INTS4: variants seen among roughly 807,000 people sequenced by gnomAD.
INTS4 encodes integrator complex subunit 4.
Under a neutral mutation model 119.5 loss-of-function variants are expected in INTS4, and 70 were observed. The ratio of observed to expected loss-of-function variants is 0.59; its 90% CI spans 0.48 to 0.71. INTS4 has a LOEUF of 0.71. Ranked by LOEUF, INTS4 falls within the 30% of genes least tolerant of loss-of-function variation. INTS4 has a pLI of 0.00. For synonymous variants in INTS4, 316 were observed against 419.6 expected (o/e 0.75, Z 3.02); for missense variants, 867 against 1,173.2 (o/e 0.74, Z 3.81).
rs1405947601 is a variant in INTS4 at position 77,918,888 on chromosome 11, C to G, written c.1855G>C (p.Glu619Gln). The G allele has an allele frequency of 1.2e-6, 2 of 1,613,826 alleles. No individual in the cohort carries two copies. Among genetic ancestry groups the G allele is most frequent in the East Asian group, 2.2e-5 (1 of 44,888 alleles). ...AAGTGCTGAAGACTATACACTCTTT[C>G]AAGGCTCTGCTGCAGGAACTGCTGG... The part of the protein sequence containing the change: ...PSQQFLQQSL[E>Q]RVYSLQHLDP... Residue 619 changes from glutamate (E) to glutamine (Q), a missense_variant, in exon 15 of 23, where the codon GAA (glutamate) becomes CAA (glutamine). Coordinates refer to ENST00000534064, the MANE Select transcript of INTS4 (RefSeq NM_033547.4).
intron 8 of INTS4, among the ~76,000 whole-genome samples, chr11:77,946,344 A>G (rs1396714805): frequency 6.6e-6 from 1 of 152,216 alleles, no homozygotes; most frequent in Non-Finnish European, 1.5e-5. Context: ...GACTGTTACT[A>G]TATACTAGCT....
rs1953271572 is a variant in INTS4, at chr11:77,918,918, G to GCTTC, written c.1824_1825insGAAG (p.Pro609GlufsTer12). 6.2e-7 allele frequency: 1 copy of GCTTC among 1,613,862 alleles called. No individual in the cohort carries two copies. Among genetic ancestry groups the GCTTC allele is most frequent in the African/African-American group, 1.3e-5 (1 of 74,924 alleles). The stretch of plus-strand genomic sequence containing the variant: ...CTCTGCTGCAGGAACTGCTGGGAAG[G>GCTTC]ATCCTCTTGAGGTATGATGCTGGGA... On this transcript the variant is annotated frameshift_variant, in exon 15 of 23. Coordinates refer to ENST00000534064, the MANE Select transcript of INTS4 (RefSeq NM_033547.4). LOFTEE classifies it high-confidence loss of function.
chr11:77,993,069 A>G lies in INTS4; in HGVS notation c.54+1521T>C, dbSNP rs556680468. ...GTCAAAAGCTAGGAATTTTTTCCCT[A>G]AGTATTATATAAGGGAGAGGACAAG... On this transcript the variant is annotated intron_variant, in intron 1 of 22. Coordinates refer to ENST00000534064, the MANE Select transcript of INTS4 (RefSeq NM_033547.4). Among the ~76,000 whole-genome samples the G allele has an allele frequency of 7.2e-5, 11 of 152,256 alleles. No homozygotes were observed. The South Asian group carries it at 2.3e-3, about 32-fold the overall frequency.
At chr11:77,966,051 T>A (rs926358995) in intron 4 of INTS4, among the ~76,000 whole-genome samples, 3 of 152,204 alleles carry the variant, frequency 2.0e-5, no homozygotes, top group African/African-American at 7.2e-5. Context: ...TAATTTGCAT[T>A]TTCCCGACGC....
chr11:77,920,931 T>C (rs1280761596), intron 14 of INTS4, among the ~76,000 whole-genome samples: 1 of 151,412 alleles, frequency 6.6e-6, no homozygotes, highest in Non-Finnish European at 1.5e-5. Flanking sequence ...TATAATCTAT[T>C]GTTCCAGGTT....
intron 19 of INTS4, among the ~76,000 whole-genome samples, 153 bp from the exon 20 acceptor site, chr11:77,891,993 A>G (rs1262930304): frequency 1.3e-5 from 2 of 152,174 alleles, no homozygotes; most frequent in East Asian, 3.8e-4. Flanking sequence ...TACCTATACA[A>G]TCATGCCTCA....
intron 8 of INTS4, among the ~76,000 whole-genome samples, chr11:77,954,178 T>G (rs1565269284): frequency 6.6e-6 from 1 of 152,182 alleles, no homozygotes; most frequent in Admixed American, 6.5e-5. Flanking sequence ...AGATGCAAGA[T>G]CAGGATCTGA....
At chr11:77,984,551 G>A (rs575650960) in intron 2 of INTS4, among the ~76,000 whole-genome samples, 1 of 151,798 alleles carries the variant, frequency 6.6e-6, no homozygotes, top group Non-Finnish European at 1.5e-5. Flanking sequence ...AGGTGGGGGT[G>A]ATGGAGGATT....
chr11:77,972,133 T>C (rs1855757222), intron 4 of INTS4, among the ~76,000 whole-genome samples: 1 of 152,190 alleles, frequency 6.6e-6, no homozygotes, highest in Admixed American at 6.5e-5. Flanking sequence ...GGTCTTACTG[T>C]GTCACTCAGG....
chr11:77,897,378 TAAAG>T (rs1373186654), intron 18 of INTS4, among the ~76,000 whole-genome samples: 4 of 151,272 alleles, frequency 2.6e-5, no homozygotes, highest in African/African-American at 4.9e-5. Context: ...AAAATAAAAA[TAAAG>T]AAGGATATAC....
rs1855907660 is a variant in INTS4, at chr11:77,975,454, T to A, written c.471+3542A>T. ...GAAAACATACTTTGTATCTTTTCCA[T>A]CAAGAGTAAATATTTGTATATAAAT... is the stretch of plus-strand genomic sequence containing the variant. On this transcript the variant is annotated intron_variant, in intron 4 of 22. Transcript: ENST00000534064. Among the ~76,000 whole-genome samples the A allele has an allele frequency of 2.0e-5, 3 of 151,626 alleles. No individual in the cohort carries two copies. The South Asian group carries it at 6.2e-4, about 31-fold the overall frequency.
intron 9 of INTS4, among the ~76,000 whole-genome samples, chr11:77,939,856 A>C (rs629035): frequency 0.58 from 88,049 of 151,546 alleles, 25,852 homozygotes; most frequent in African/African-American, 0.61. Context: ...AACAAAAAAA[A>C]AAAACAAAAC....
Position 77,967,531 on chromosome 11 carries a change from T to C in INTS4, c.472-6393A>G, listed in dbSNP as rs564237543. On this transcript the variant is annotated intron_variant, in intron 4 of 22. Coordinates refer to ENST00000534064, the MANE Select transcript of INTS4 (RefSeq NM_033547.4). ...CCCGTAAGTGAACTGTTGGATCATA[T>C]GGCAATTCTATTTTTAATTTTGGGG... is the stretch of plus-strand genomic sequence containing the variant. Among the ~76,000 whole-genome samples, 14 of 152,324 alleles carry C rather than the reference T, an allele frequency of 9.2e-5. No individual in the cohort carries two copies. In the South Asian group the frequency reaches 2.5e-3, roughly 27 times the overall value.
chr11:77,942,585 G>A (rs1953954855), intron 8 of INTS4, among the ~76,000 whole-genome samples: 1 of 152,032 alleles, frequency 6.6e-6, no homozygotes, highest in Non-Finnish European at 1.5e-5. Flanking sequence ...TTTTCTAGAT[G>A]AGAACTGAGG....
At chr11:77,933,648 C>G (rs1172981711) in intron 10 of INTS4, among the ~76,000 whole-genome samples, 2 of 152,096 alleles carry the variant, frequency 1.3e-5, no homozygotes, top group African/African-American at 2.4e-5. Context: ...GCCGCCACCC[C>G]GTCTGGGAAG....
At chr11:77,913,472 T>C (rs925344013) in intron 15 of INTS4, among the ~76,000 whole-genome samples, 53 of 151,946 alleles carry the variant, frequency 3.5e-4, no homozygotes, top group Non-Finnish European at 7.4e-4. Context: ...CCACCACGCC[T>C]GGCTAATTTT....
At chr11:77,971,656 A>G (rs188579736) in intron 4 of INTS4, among the ~76,000 whole-genome samples, 1 of 152,162 alleles carries the variant, frequency 6.6e-6, no homozygotes, top group Non-Finnish European at 1.5e-5. Flanking sequence ...AAAACAAAAA[A>G]AACAAAAATA....
chr11:77,972,065 G>A (rs1446102704), intron 4 of INTS4, among the ~76,000 whole-genome samples: 1 of 152,126 alleles, frequency 6.6e-6, no homozygotes, highest in Non-Finnish European at 1.5e-5. Context: ...TAGAAAATCA[G>A]TTGACCAAAG....
intron 11 of INTS4, among the ~76,000 whole-genome samples, chr11:77,927,475 C>T (rs1953536349): frequency 6.6e-6 from 1 of 151,908 alleles, no homozygotes; most frequent in Non-Finnish European, 1.5e-5. Context: ...CCCATCTTCC[C>T]CAAAAAAGGA....
Sources: gnomAD v4.1 joint callset for allele counts (sites outside exome capture counted in the v4.1 genomes callset) on GRCh38, gnomAD v4.1.1 for gene constraint, MANE v1.5 for transcripts, NCBI Gene and HGNC (gene_info 2026-07-23, HGNC 2026-07-21) for gene names.